The following SLC23A2 variants were observed in gnomAD, a reference collection of about 807,000 sequenced individuals.
The protein encoded by SLC23A2 is Na(+)/L-ascorbic acid transporter 2.
SLC23A2 carries 36 observed loss-of-function variants against 73.3 expected under a neutral mutation model. The observed-to-expected ratio is 0.49, with a 90% CI of 0.38 to 0.65. The LOEUF is 0.65. Ranked by LOEUF, SLC23A2 falls within the 30% of genes least tolerant of loss-of-function variation. SLC23A2 has a pLI of 0.00. For missense variants in SLC23A2, 507 were observed against 841.6 expected (o/e 0.60, Z 4.92); for synonymous variants, 343 against 327.3 (o/e 1.05, Z -0.52).
At chr20:4,913,274 C>T (rs538526800) in intron 3 of SLC23A2, among the ~76,000 whole-genome samples, 1 of 152,088 alleles carries the variant, frequency 6.6e-6, no homozygotes, top group Non-Finnish European at 1.5e-5. Flanking sequence ...GTGAGAGTAC[C>T]CTGAGCTGCC....
At chr20:4,874,735 T>G in intron 9 of SLC23A2, 39 bp from the exon 10 acceptor site, 1 of 1,528,410 alleles carries the variant, frequency 6.5e-7, no homozygotes, top group Non-Finnish European at 8.8e-7. Flanking sequence ...CAAAAGCTGT[T>G]ATGTCTCTGT....
At chr20:4,936,165 AC>A (rs2086959175) in intron 2 of SLC23A2, among the ~76,000 whole-genome samples, 1 of 152,176 alleles carries the variant, frequency 6.6e-6, no homozygotes, top group African/African-American at 2.4e-5. Flanking sequence ...AGCCACTGCC[AC>A]CCATCATCTT....
At chr20:4,906,903 C>G (rs1194328059) in intron 4 of SLC23A2, among the ~76,000 whole-genome samples, 1 of 152,088 alleles carries the variant, frequency 6.6e-6, no homozygotes, top group Non-Finnish European at 1.5e-5. Flanking sequence ...AATGCACAAG[C>G]TGGGTGCTCA....
At chr20:4,864,695 T>C (rs1489537666) in intron 13 of SLC23A2, among the ~76,000 whole-genome samples, 1 of 152,198 alleles carries the variant, frequency 6.6e-6, no homozygotes, top group Non-Finnish European at 1.5e-5. Context: ...ATAATCTCAC[T>C]GCTATGCTGT....
chr20:4,884,792 C>T lies in SLC23A2; in HGVS notation c.603G>A (p.Leu201=). 6.3e-7 allele frequency: 1 copy of T among 1,588,764 alleles called. No homozygotes were observed. The highest frequency in any genetic ancestry group is 8.5e-7 in the Non-Finnish European group (1 of 1,172,708). ...DVSVANGTAE[L]LHTEHIWYPR... Reference sequence around the variant, plus strand: ...GATACCAGATGTGTTCTGTGTGCAACAGCTCTGCTGTTCCATTGGCAACTG... The same window carrying T: ...GATACCAGATGTGTTCTGTGTGCAATAGCTCTGCTGTTCCATTGGCAACTG... Residue 201 remains leucine, a synonymous_variant, in exon 8 of 17, where the codon CTG becomes CTA. Coordinates refer to ENST00000338244, the MANE Select transcript of SLC23A2 (RefSeq NM_005116.6).
intron 9 of SLC23A2, among the ~76,000 whole-genome samples, chr20:4,882,471 T>C (rs1219130561): frequency 1.3e-5 from 2 of 151,312 alleles, no homozygotes; most frequent in South Asian, 2.1e-4. Context: ...AAAAAAAAAC[T>C]TGATATTTTC....
rs769381896 is a variant in SLC23A2 at position 4,857,104 on chromosome 20, C to A, written c.1821G>T (p.Met607Ile). The change falls in exon 17 of 17, where the codon ATG (methionine) becomes ATT (isoleucine). Residue 607 changes from methionine to isoleucine, a missense_variant. Physicochemically the swap from Met to Ile is conservative, Grantham distance 10 (BLOSUM62 1). Coordinates refer to ENST00000338244, the MANE Select transcript of SLC23A2 (RefSeq NM_005116.6). The surrounding 1 kb of genome is among the most constrained non-coding windows in gnomAD (Gnocchi z 4.0). ...AGCATCTGTATTTTTTTATAATGTT[C>A]ATGCCAAATGGCAAATTGTACGACT... Reference protein sequence around the residue: ...GMESYNLPFGMNIIKKYRCFS... With the variant: ...GMESYNLPFGINIIKKYRCFS... 5.6e-6 allele frequency: 9 copies of A among 1,613,890 alleles called. No homozygotes were observed. In the East Asian group the frequency reaches 2.0e-4, roughly 36 times the overall value.
At chr20:4,955,575 C>T (rs972685512) in intron 2 of SLC23A2, among the ~76,000 whole-genome samples, 1 of 151,904 alleles carries the variant, frequency 6.6e-6, no homozygotes, top group African/African-American at 2.4e-5. Context: ...TAACACTTGA[C>T]CTCAGGGGCT....
chr20:4,903,734 C>T (rs1321514962), intron 4 of SLC23A2, among the ~76,000 whole-genome samples: 1 of 152,186 alleles, frequency 6.6e-6, no homozygotes, highest in African/African-American at 2.4e-5. Flanking sequence ...TTGGGTAAAA[C>T]TTTCTCTTCC....
intron 2 of SLC23A2, among the ~76,000 whole-genome samples, chr20:4,939,295 G>A (rs2087006225): frequency 6.6e-6 from 1 of 152,138 alleles, no homozygotes; most frequent in African/African-American, 2.4e-5. Flanking sequence ...GTGGTATAAT[G>A]TAAGAGTGGT....
At chr20:4,925,944 C>A (rs1404946931) in intron 3 of SLC23A2, among the ~76,000 whole-genome samples, 2 of 152,230 alleles carry the variant, frequency 1.3e-5, no homozygotes, top group Non-Finnish European at 2.9e-5. Context: ...AGAATTCAAA[C>A]CCTAACACTG....
chr20:4,932,528 G>A lies in SLC23A2; in HGVS notation c.35C>T (p.Ser12Leu), dbSNP rs1239923522. The A allele has an allele frequency of 1.6e-5, 26 of 1,607,792 alleles. No individual in the cohort carries two copies. Among genetic ancestry groups the A allele is most frequent in the Non-Finnish European group, 2.0e-5 (24 of 1,174,312 alleles). The change falls in exon 3 of 17, where the codon TCA (serine) becomes TTA (leucine). Residue 12 changes from serine to leucine, a missense_variant. Transcript: ENST00000338244. ...TTCTGTTGAACTTCCAGCCTCCATT[G>A]ATTTGGATGTGGTATTCTTACCAAT... The part of the protein sequence containing the change: ...MGIGKNTTSK[S>L]MEAGSSTEGK...
chr20:4,967,636 G>A (rs901032992), intron 2 of SLC23A2, among the ~76,000 whole-genome samples: 5 of 152,170 alleles, frequency 3.3e-5, no homozygotes, highest in African/African-American at 9.7e-5. Flanking sequence ...AGACATTGAC[G>A]TCAACAGCAC....
intron 1 of SLC23A2, among the ~76,000 whole-genome samples, chr20:4,988,463 C>T (rs984896879): frequency 6.6e-6 from 1 of 151,900 alleles, no homozygotes; most frequent in Non-Finnish European, 1.5e-5. Flanking sequence ...ATTGGCTGGA[C>T]ACAGTGGCTC....
intron 4 of SLC23A2, among the ~76,000 whole-genome samples, chr20:4,912,632 T>A (rs1264057455): frequency 1.4e-5 from 2 of 145,578 alleles, no homozygotes; most frequent in Non-Finnish European, 3.0e-5. Flanking sequence ...TGGATCCTCC[T>A]CTATGGTTCT....
rs777023911 is a variant in SLC23A2, at chr20:4,869,991, C to T, written c.1165G>A (p.Ala389Thr). ...GVIGMLSAVV[A>T]SIIESIGDYY... ...TCACCAATAGACTCGATGATGCTGGCGACCACGGCACTGAGCATGCCGATG... is the reference window on the plus strand; with the variant it reads ...TCACCAATAGACTCGATGATGCTGGTGACCACGGCACTGAGCATGCCGATG... The change falls in exon 12 of 17, where the codon GCC becomes ACC. Residue 389 changes from alanine (A) to threonine (T), a missense_variant. Physicochemically the swap from Ala to Thr is moderately conservative, Grantham distance 58. Coordinates refer to ENST00000338244, the MANE Select transcript of SLC23A2 (RefSeq NM_005116.6). 2.5e-6 allele frequency: 4 copies of T among 1,613,484 alleles called. No homozygotes were observed. Among genetic ancestry groups the T allele is most frequent in the East Asian group, 2.2e-5 (1 of 44,878 alleles).
chr20:4,877,214 A>C (rs1380142545), intron 9 of SLC23A2, among the ~76,000 whole-genome samples: 1 of 152,182 alleles, frequency 6.6e-6, no homozygotes, highest in African/African-American at 2.4e-5. Context: ...GTATGACATC[A>C]GAAGCAACAT....
At position 4,874,561 on chromosome 20, in the gene SLC23A2, AAGTC is replaced by A; in HGVS notation, c.945+11_945+14del. 6.3e-7 allele frequency: 1 copy of A among 1,580,402 alleles called. No individual in the cohort carries two copies. Among genetic ancestry groups the A allele is most frequent in the Non-Finnish European group, 8.6e-7 (1 of 1,163,896 alleles). Reference sequence around the variant, plus strand: ...AGGGCAAAAATGTCAGCAGGGGAAGAAGTCAGCTACTCACAGGGAACATTTTGAA... The same window carrying A: ...AGGGCAAAAATGTCAGCAGGGGAAGAAGCTACTCACAGGGAACATTTTGAA... On this transcript the variant is annotated intron_variant, in intron 10 of 16. Coordinates refer to ENST00000338244, the MANE Select transcript of SLC23A2 (RefSeq NM_005116.6).
chr20:4,991,695 C>T (rs1403750322), intron 1 of SLC23A2, among the ~76,000 whole-genome samples: 3 of 147,584 alleles, frequency 2.0e-5, no homozygotes, highest in Non-Finnish European at 4.5e-5. Flanking sequence ...GCACTCCAGC[C>T]TGGGTGACAG....
Sources: allele counts gnomAD v4.1 joint callset (sites outside exome capture counted in the v4.1 genomes callset), GRCh38; gene constraint gnomAD v4.1.1; non-coding constraint Gnocchi (gnomAD v3.1); transcripts MANE v1.5; gene names NCBI Gene and HGNC (gene_info 2026-07-23, HGNC 2026-07-21).